The following CSTPP1 variants were observed in gnomAD, a reference collection of about 807,000 sequenced individuals.
CSTPP1 encodes the protein UPF0705 protein C11orf49.
the CSTPP1 span, among the ~76,000 whole-genome samples, chr11:47,075,326 G>A: frequency 2.0e-5 from 3 of 152,004 alleles, no homozygotes; most frequent in South Asian, 2.1e-4. Context: ...AGCCGAGATC[G>A]CAGCACTGCA....
the CSTPP1 span, among the ~76,000 whole-genome samples, chr11:46,995,860 A>C: frequency 1.6e-4 from 25 of 152,154 alleles, no homozygotes; most frequent in African/African-American, 6.0e-4. Flanking sequence ...TTGATCTGTC[A>C]TATGTTGACA....
At chr11:47,121,500 A>T in the CSTPP1 span, among the ~76,000 whole-genome samples, 1 of 152,236 alleles carries the variant, frequency 6.6e-6, no homozygotes, top group African/African-American at 2.4e-5. Flanking sequence ...CAGCTTTGGA[A>T]GTTGATCCAA....
At chr11:47,039,923 T>C in the CSTPP1 span, among the ~76,000 whole-genome samples, 1 of 128,974 alleles carries the variant, frequency 7.8e-6, no homozygotes, top group Non-Finnish European at 1.8e-5. Context: ...CAGTCCTTCA[T>C]AGGTCTGCTG....
At chr11:47,128,396 C>T in the CSTPP1 span, among the ~76,000 whole-genome samples, 1 of 152,092 alleles carries the variant, frequency 6.6e-6, no homozygotes, top group Non-Finnish European at 1.5e-5. Context: ...TTTGTTATCT[C>T]TTTGAGACAG....
At chr11:47,066,110 T>TG in the CSTPP1 span, among the ~76,000 whole-genome samples, 1,244 of 142,640 alleles carry the variant, frequency 8.7e-3, 14 homozygotes, top group Middle Eastern at 0.031. Flanking sequence ...TTTTTTTTTT[T>TG]TTTTTTTGTT....
chr11:47,122,091 A>AAAAAAAAAAAAATATATAT, the CSTPP1 span, among the ~76,000 whole-genome samples: 1 of 31,834 alleles, frequency 3.1e-5, no homozygotes. Flanking sequence ...AAAAAAAAAA[A>AAAAAAAAAAAAATATATAT]ATATATATAT....
the CSTPP1 span, among the ~76,000 whole-genome samples, chr11:47,081,277 A>C: frequency 6.6e-6 from 1 of 152,292 alleles, no homozygotes; most frequent in Admixed American, 6.5e-5. Context: ...CAGAAAAAAT[A>C]TGTAGACTAA....
the CSTPP1 span, among the ~76,000 whole-genome samples, chr11:47,153,400 A>C: frequency 4.6e-5 from 7 of 152,312 alleles, no homozygotes; most frequent in Middle Eastern, 3.4e-3. Flanking sequence ...GATGCCTAAC[A>C]TATCAGTAAC....
At chr11:46,950,687 C>A in the CSTPP1 span, among the ~76,000 whole-genome samples, 1 of 152,164 alleles carries the variant, frequency 6.6e-6, no homozygotes, top group African/African-American at 2.4e-5. Context: ...TCTCGGCTCA[C>A]TGCAACCTCC....
the CSTPP1 span, among the ~76,000 whole-genome samples, chr11:47,077,936 C>G: frequency 2.3e-4 from 35 of 151,714 alleles, no homozygotes; most frequent in Non-Finnish European, 1.5e-5. Flanking sequence ...CTAAGAAAAA[C>G]AAAAGGTTGT....
At chr11:46,982,519 C>T in the CSTPP1 span, among the ~76,000 whole-genome samples, 1 of 151,932 alleles carries the variant, frequency 6.6e-6, no homozygotes, top group Non-Finnish European at 1.5e-5. Context: ...CAAAAATTTC[C>T]AAATAGGACC....
the CSTPP1 span, chr11:47,161,635 T>G: frequency 6.2e-7 from 1 of 1,611,354 alleles, no homozygotes; most frequent in South Asian, 1.1e-5. Flanking sequence ...AGTCGGAGAC[T>G]TGAGGAGTCC....
chr11:47,140,814 C>T, the CSTPP1 span, among the ~76,000 whole-genome samples: 1 of 151,842 alleles, frequency 6.6e-6, no homozygotes, highest in Non-Finnish European at 1.5e-5. Flanking sequence ...AAAGACCGAA[C>T]TTAAGGCCGG....
the CSTPP1 span, among the ~76,000 whole-genome samples, chr11:47,053,307 A>G: frequency 1.3e-5 from 2 of 152,194 alleles, no homozygotes; most frequent in Non-Finnish European, 2.9e-5. Flanking sequence ...AGCTGCTGAA[A>G]GATCATTTTT....
At chr11:47,110,467 A>G in the CSTPP1 span, among the ~76,000 whole-genome samples, 1 of 152,230 alleles carries the variant, frequency 6.6e-6, no homozygotes, top group Non-Finnish European at 1.5e-5. Context: ...TACAAATTGA[A>G]TACGTTAAGT....
At chr11:47,013,452 A>G in the CSTPP1 span, among the ~76,000 whole-genome samples, 5 of 152,010 alleles carry the variant, frequency 3.3e-5, no homozygotes, top group African/African-American at 1.2e-4. Flanking sequence ...CCCCATGTCC[A>G]TGTTTTCTCA....
the CSTPP1 span, among the ~76,000 whole-genome samples, chr11:47,031,982 C>T: frequency 2.0e-5 from 3 of 152,086 alleles, no homozygotes; most frequent in African/African-American, 4.8e-5. Context: ...AGGCCAGTCT[C>T]TCTTTTCACA....
chr11:47,048,579 C>T, the CSTPP1 span, among the ~76,000 whole-genome samples: 1 of 150,768 alleles, frequency 6.6e-6, no homozygotes, highest in African/African-American at 2.4e-5. Context: ...TAGGCCAGAA[C>T]GACAGATATT....
At chr11:47,152,325 C>CTTCTG in the CSTPP1 span, among the ~76,000 whole-genome samples, 10 of 152,158 alleles carry the variant, frequency 6.6e-5, no homozygotes, top group Non-Finnish European at 1.5e-4. Flanking sequence ...CTCCTACCCT[C>CTTCTG]CCACGGTGTG....
Sources: allele counts gnomAD v4.1 joint callset (sites outside exome capture counted in the v4.1 genomes callset), GRCh38; gene constraint gnomAD v4.1.1; transcripts MANE v1.5; gene names NCBI Gene and HGNC (gene_info 2026-07-23, HGNC 2026-07-21).